PTPN3: variants seen among roughly 807,000 people sequenced by gnomAD.
The protein encoded by PTPN3 is protein tyrosine phosphatase non-receptor type 3, also known as tyrosine-protein phosphatase non-receptor type 3.
Under a neutral mutation model 132.7 loss-of-function variants are expected in PTPN3, and 96 were observed. The ratio of observed to expected loss-of-function variants is 0.72; its 90% CI spans 0.61 to 0.86. The LOEUF is 0.86. Ranked by LOEUF, PTPN3 falls within the 40% of genes least tolerant of loss-of-function variation. PTPN3 has a pLI of 0.00. For missense variants in PTPN3, 1,125 were observed against 1,159.6 expected, an observed-to-expected ratio of 0.97 and a Z score of 0.43; for synonymous variants, 398 against 429.0, an observed-to-expected ratio of 0.93 and a Z score of 0.89.
At chr9:109,422,393 C>A (rs183349075) in intron 13 of PTPN3, among the ~76,000 whole-genome samples, 6 of 152,078 alleles carry the variant, frequency 3.9e-5, no homozygotes, top group African/African-American at 1.4e-4. Flanking sequence ...TAAAGCTAAC[C>A]GTACTTTTTT....
the PTPN3 span, among the ~76,000 whole-genome samples, chr9:109,510,330 G>A: frequency 1.3e-5 from 2 of 151,656 alleles, no homozygotes; most frequent in Non-Finnish European, 1.5e-5. Flanking sequence ...AGGCCAAGGC[G>A]GGCAGATCAC....
At chr9:109,403,227 C>G in intron 19 of PTPN3, among the ~76,000 whole-genome samples, 1 of 152,224 alleles carries the variant, frequency 6.6e-6, no homozygotes, top group East Asian at 1.9e-4. Flanking sequence ...TAAAATCAAT[C>G]TTTCACTCAA....
the PTPN3 span, among the ~76,000 whole-genome samples, chr9:109,524,017 G>A: frequency 3.3e-5 from 5 of 152,092 alleles, no homozygotes; most frequent in African/African-American, 7.2e-5. Flanking sequence ...AGGCTGAGGT[G>A]GGAGGATTGC....
intron 8 of PTPN3, 148 bp from the exon 9 acceptor site, chr9:109,437,118 C>A: frequency 7.4e-7 from 1 of 1,344,154 alleles, no homozygotes; most frequent in Non-Finnish European, 9.9e-7. Flanking sequence ...ATGCTAAATT[C>A]TACTAAAGCA....
intron 17 of PTPN3, among the ~76,000 whole-genome samples, chr9:109,407,352 G>A (rs375660653): frequency 6.6e-6 from 1 of 152,080 alleles, no homozygotes; most frequent in African/African-American, 2.4e-5. Flanking sequence ...ATTCCAGCCT[G>A]GGTGACAGAG....
In PTPN3 at chr9:109,489,998, A is replaced by G. The variant is rs372344834; in HGVS notation, c.-18+8221T>C. Among the ~76,000 whole-genome samples the G allele has an allele frequency of 2.6e-4, 40 of 151,972 alleles. No homozygotes were observed. In the East Asian group the frequency reaches 6.4e-3, roughly 24 times the overall value. On this transcript the variant is annotated intron_variant, in intron 1 of 25. Transcript: ENST00000374541. ...GGAGTTCTAGACCAGCCTGGCCAAC[A>G]TGGCAAAACCTCATCTCTATTAAAA...
At position 109,422,823 on chromosome 9, in the gene PTPN3, AC is replaced by A. The variant is rs1253506169; in HGVS notation, c.1030del (p.Val344Ter). On this transcript the variant is annotated frameshift_variant, in exon 13 of 26. Transcript: ENST00000374541. LOFTEE classifies it high-confidence loss of function. ...TGGGTTCCACACCATCCCGCCAATC[AC>A]CTTTTTGCAATATTGGTTATTTACC... ...KSVNNQYCKK[V>X]IGGMVWNPAM... 6.2e-7 allele frequency: 1 copy of A among 1,613,320 alleles called. No individual in the cohort carries two copies. Among genetic ancestry groups the A allele is most frequent in the Admixed American group, 1.7e-5 (1 of 59,996 alleles).
chr9:109,499,558 C>A (rs1405974857), upstream of PTPN3, among the ~76,000 whole-genome samples: 1 of 139,894 alleles, frequency 7.1e-6, no homozygotes, highest in Non-Finnish European at 1.6e-5. Context: ...ACTGCAGTGA[C>A]CCCCCTGCAA....
chr9:109,525,181 A>C, the PTPN3 span, among the ~76,000 whole-genome samples: 2 of 152,112 alleles, frequency 1.3e-5, no homozygotes, highest in Non-Finnish European at 2.9e-5. Flanking sequence ...CCTCCTGAGT[A>C]GCTGGGACTA....
intron 5 of PTPN3, chr9:109,451,227 AATAT>A: frequency 1.0e-6 from 1 of 961,056 alleles, no homozygotes; most frequent in Non-Finnish European, 1.2e-6. Flanking sequence ...TGTTTCAAAA[AATAT>A]ATATATATAT....
intron 5 of PTPN3, chr9:109,449,566 G>A (rs1240664939): frequency 1.2e-5 from 12 of 985,292 alleles, no homozygotes; most frequent in African/African-American, 1.7e-5. Flanking sequence ...TGCCTGGGGA[G>A]CGGGGAAAGG....
At chr9:109,510,811 G>A in the PTPN3 span, among the ~76,000 whole-genome samples, 335 of 151,592 alleles carry the variant, frequency 2.2e-3, 1 homozygote, top group African/African-American at 7.5e-3. Context: ...AAGACAGAAA[G>A]CTGTATTGCT....
chr9:109,402,018 C>T (rs1841156844), intron 19 of PTPN3, among the ~76,000 whole-genome samples: 1 of 152,142 alleles, frequency 6.6e-6, no homozygotes, highest in African/African-American at 2.4e-5. Context: ...CTGTAAACTC[C>T]TTGGGGCCAG....
At position 109,498,058 on chromosome 9, in the gene PTPN3, A is replaced by G. The variant is rs1453666664; in HGVS notation, c.-18+161T>C. Among the ~76,000 whole-genome samples, 4 of 140,986 alleles carry G rather than the reference A, an allele frequency of 2.8e-5. No individual in the cohort carries two copies. The highest frequency in any genetic ancestry group is 5.1e-5 in the African/African-American group (2 of 39,294). The allele number at this position is 140,986 out of a possible 152,430, so 92.5% of individuals were successfully genotyped here. A position where few individuals can be genotyped will look rare whatever the true frequency, so the allele number is the denominator to read the frequency against. On this transcript the variant is annotated intron_variant, in intron 1 of 25. Coordinates refer to ENST00000374541, the MANE Select transcript of PTPN3 (RefSeq NM_002829.4). This position sits in a 1 kb window ranked among gnomAD's most constrained non-coding sequence, Gnocchi z 4.2. ...AGCGGGGCGCCCCCTCCCCGCCCCG[A>G]CGTGGTGCGGGGATCCCGGTGCAGC...
chr9:109,440,960 C>A (rs907455262), intron 7 of PTPN3, among the ~76,000 whole-genome samples: 6 of 152,138 alleles, frequency 3.9e-5, no homozygotes, highest in Non-Finnish European at 8.8e-5. Flanking sequence ...GGTTTCACAT[C>A]GATTTCAATG....
At chr9:109,423,639 C>T (rs141788875) in intron 12 of PTPN3, among the ~76,000 whole-genome samples, 152 of 152,212 alleles carry the variant, frequency 1.0e-3, no homozygotes, top group African/African-American at 3.1e-3. Flanking sequence ...TTTCAGGCTA[C>T]GTTCTTTGAA....
the PTPN3 span, among the ~76,000 whole-genome samples, chr9:109,537,363 T>A: frequency 2.0e-5 from 3 of 152,212 alleles, no homozygotes; most frequent in African/African-American, 7.2e-5. Context: ...ATTACTTGAA[T>A]AGAATTGTCA....
At chr9:109,494,883 C>T (rs1564490596) in intron 1 of PTPN3, among the ~76,000 whole-genome samples, 1 of 152,186 alleles carries the variant, frequency 6.6e-6, no homozygotes, top group East Asian at 1.9e-4. Context: ...TGTGCTCACA[C>T]CTGGTCTTGG....
Position 109,438,326 on chromosome 9 carries a change from C to T in PTPN3, c.467-92G>A, listed in dbSNP as rs562367601. ...AGCATCTACAGCATCATCAGAATAA[C>T]ATTAATTAGAAATACTCTTCTGGTA... On this transcript the variant is annotated intron_variant, in intron 7 of 25. Coordinates refer to ENST00000374541, the MANE Select transcript of PTPN3 (RefSeq NM_002829.4). The T allele has an allele frequency of 7.7e-4, 1,058 of 1,365,774 alleles. 12 individuals carry two copies. Among genetic ancestry groups the T allele is most frequent in the Middle Eastern group, 6.2e-3 (27 of 4,374 alleles). The allele number at this position is 1,365,774 out of a possible 1,614,324, so 84.6% of individuals were successfully genotyped here. A position where few individuals can be genotyped will look rare whatever the true frequency, so the allele number is the denominator to read the frequency against.
Sources: allele counts gnomAD v4.1 joint callset (sites outside exome capture counted in the v4.1 genomes callset), GRCh38; gene constraint gnomAD v4.1.1; non-coding constraint Gnocchi (gnomAD v3.1); transcripts MANE v1.5; gene names NCBI Gene and HGNC (gene_info 2026-07-23, HGNC 2026-07-21).